Variants in TAFA1 observed in about 807,000 individuals in gnomAD.
TAFA1 encodes chemokine-like protein TAFA-1.
A neutral mutation model predicts 18.5 loss-of-function variants in TAFA1; 4 were observed. The ratio of observed to expected loss-of-function variants is 0.22; its 90% CI spans 0.11 to 0.49. TAFA1 has a LOEUF of 0.49. TAFA1 is among the 20% of genes least tolerant of loss of function. The pLI is 0.98. For synonymous variants in TAFA1, 56 were observed against 55.2 expected (o/e 1.01, Z -0.06); for missense variants, 147 against 169.0 (o/e 0.87, Z 0.72).
At chr3:68,469,629 C>G (rs1156623123) in intron 3 of TAFA1, among the ~76,000 whole-genome samples, 3 of 152,088 alleles carry the variant, frequency 2.0e-5, no homozygotes, top group Admixed American at 2.0e-4. Context: ...GCCGAGATAG[C>G]ACCACTGCAC....
chr3:68,333,911 A>C (rs746559630), intron 2 of TAFA1, among the ~76,000 whole-genome samples: 1 of 152,200 alleles, frequency 6.6e-6, no homozygotes, highest in Non-Finnish European at 1.5e-5. Flanking sequence ...ACAGCAAGAC[A>C]AATATTGTGT....
intron 2 of TAFA1, among the ~76,000 whole-genome samples, chr3:68,171,883 A>G (rs2066058127): frequency 6.6e-6 from 1 of 152,170 alleles, no homozygotes; most frequent in Non-Finnish European, 1.5e-5. Flanking sequence ...AGATAGGTCA[A>G]TTAAGATTGT....
At chr3:68,102,091 T>C (rs1559520840) in intron 2 of TAFA1, among the ~76,000 whole-genome samples, 1 of 152,168 alleles carries the variant, frequency 6.6e-6, no homozygotes, top group Non-Finnish European at 1.5e-5. Context: ...GGTGTTAGAG[T>C]AGCTGATACC....
intron 2 of TAFA1, among the ~76,000 whole-genome samples, chr3:68,129,225 A>C (rs1186611005): frequency 6.6e-6 from 1 of 152,180 alleles, no homozygotes; most frequent in Non-Finnish European, 1.5e-5. Flanking sequence ...GTAAGTGGTA[A>C]AGCCAGGATG....
intron 2 of TAFA1, among the ~76,000 whole-genome samples, chr3:68,112,852 A>G (rs1483389905): frequency 6.6e-6 from 1 of 152,210 alleles, no homozygotes; most frequent in Non-Finnish European, 1.5e-5. Flanking sequence ...GAATGCAATT[A>G]TAAAAGATAT....
chr3:68,132,741 A>C (rs761686129), intron 2 of TAFA1, among the ~76,000 whole-genome samples: 6 of 151,742 alleles, frequency 4.0e-5, no homozygotes, highest in African/African-American at 1.5e-4. Flanking sequence ...TTTTCTTGTA[A>C]ATTTGTTTAA....
intron 2 of TAFA1, among the ~76,000 whole-genome samples, chr3:68,156,004 C>T (rs928707266): frequency 6.6e-6 from 1 of 152,068 alleles, no homozygotes; most frequent in African/African-American, 2.4e-5. Context: ...TTTTTTTCCC[C>T]CTTCAAGTAC....
At chr3:68,050,919 G>C (rs915582919) in intron 2 of TAFA1, among the ~76,000 whole-genome samples, 14 of 152,152 alleles carry the variant, frequency 9.2e-5, no homozygotes, top group Non-Finnish European at 1.5e-4. Flanking sequence ...ACCAGCCACT[G>C]TTTGGCCCAT....
intron 2 of TAFA1, among the ~76,000 whole-genome samples, chr3:68,381,873 T>C (rs1197372335): frequency 1.3e-5 from 2 of 152,150 alleles, no homozygotes; most frequent in Non-Finnish European, 2.9e-5. Context: ...ATGCTTCCAG[T>C]TTTTGCCCAT....
chr3:67,998,865 T>A, the TAFA1 span, among the ~76,000 whole-genome samples: 6,980 of 152,276 alleles, frequency 0.046, 252 homozygotes, highest in East Asian at 0.11. Flanking sequence ...TTCTTTATTA[T>A]TTACTCCAGT....
intron 2 of TAFA1, among the ~76,000 whole-genome samples, chr3:68,370,132 C>T (rs1034661277): frequency 6.8e-6 from 1 of 147,424 alleles, no homozygotes; most frequent in Non-Finnish European, 1.5e-5. Context: ...AATAAAAATA[C>T]AAAAAATTAG....
intron 2 of TAFA1, among the ~76,000 whole-genome samples, chr3:68,265,437 C>A (rs1255006688): frequency 6.6e-6 from 1 of 152,218 alleles, no homozygotes; most frequent in African/African-American, 2.4e-5. Context: ...AGCACACTCA[C>A]ACAGCATCCT....
At chr3:68,370,779 T>TG (rs1175448055) in intron 2 of TAFA1, among the ~76,000 whole-genome samples, 200 of 102,934 alleles carry the variant, frequency 1.9e-3, no homozygotes, top group African/African-American at 6.0e-3. Flanking sequence ...GTGTTTTCGT[T>TG]GTTTTTTTTT....
At chr3:68,251,498 T>A (rs2067195048) in intron 2 of TAFA1, among the ~76,000 whole-genome samples, 1 of 152,084 alleles carries the variant, frequency 6.6e-6, no homozygotes, top group Admixed American at 6.5e-5. Flanking sequence ...GATATAGCAA[T>A]GAAGAAAACA....
chr3:68,188,445 C>T (rs1041752534), intron 2 of TAFA1, among the ~76,000 whole-genome samples: 3 of 149,532 alleles, frequency 2.0e-5, no homozygotes, highest in Non-Finnish European at 4.4e-5. Flanking sequence ...GCTGTACAGA[C>T]ATTTGAAAGT....
At chr3:68,306,272 T>C (rs1393006362) in intron 2 of TAFA1, among the ~76,000 whole-genome samples, 1 of 152,200 alleles carries the variant, frequency 6.6e-6, no homozygotes, top group Non-Finnish European at 1.5e-5. Flanking sequence ...TATAGCTTTG[T>C]ACCTCCTCTT....
chr3:68,031,875 T>A (rs1470170478), intron 2 of TAFA1, among the ~76,000 whole-genome samples: 2 of 152,156 alleles, frequency 1.3e-5, no homozygotes, highest in East Asian at 3.8e-4. Flanking sequence ...TCATATCCCA[T>A]TGTGATAAAC....
intron 2 of TAFA1, among the ~76,000 whole-genome samples, chr3:68,061,990 G>A (rs1323392202): frequency 7.1e-6 from 1 of 141,726 alleles, no homozygotes; most frequent in African/African-American, 2.4e-5. Flanking sequence ...CCAAAGACAT[G>A]GTAGGGGGTT....
At chr3:68,367,774 CTCCCTGGGTGAT>C (rs2069601669) in intron 2 of TAFA1, among the ~76,000 whole-genome samples, 1 of 149,506 alleles carries the variant, frequency 6.7e-6, no homozygotes, top group South Asian at 2.1e-4. Context: ...TGTCTTAAAA[CTCCCTGGGTGAT>C]TCTAATTTTA....
Sources: gnomAD v4.1 joint callset for allele counts (sites outside exome capture counted in the v4.1 genomes callset) on GRCh38, gnomAD v4.1.1 for gene constraint, MANE v1.5 for transcripts, NCBI Gene and HGNC (gene_info 2026-07-23, HGNC 2026-07-21) for gene names.